Variants in CLEC6A observed in about 807,000 individuals in gnomAD.
CLEC6A encodes C-type lectin domain containing 6A.
Under a neutral mutation model 25.7 loss-of-function variants are expected in CLEC6A, and 22 were observed. That is an observed-to-expected ratio of 0.85 (90% CI 0.61 to 1.22). CLEC6A has a LOEUF of 1.22. CLEC6A is among the 50% of genes most tolerant of loss of function. The pLI is 0.00. For synonymous variants in CLEC6A, 92 were observed against 76.7 expected, an observed-to-expected ratio of 1.20 and a Z score of -1.04; for missense variants, 240 against 236.8, an observed-to-expected ratio of 1.01 and a Z score of -0.09.
chr12:8,457,865 G>GT (rs1939698249), intron 1 of CLEC6A, 33 bp from the exon 2 acceptor site: 2 of 1,550,398 alleles, frequency 1.3e-6, no homozygotes, highest in Non-Finnish European at 1.8e-6. Context: ...TGGCCCCCTG[G>GT]TAACTGCATT....
intron 5 of CLEC6A, 23 bp downstream of exon 5, chr12:8,476,263 G>C (rs777679746): frequency 7.4e-7 from 1 of 1,357,712 alleles, no homozygotes; most frequent in Non-Finnish European, 1.0e-6. Flanking sequence ...CTGGGGCCTT[G>C]TTTACATAGA....
At position 8,459,648 on chromosome 12, in the gene CLEC6A, A is replaced by G. The variant is rs747299245; in HGVS notation, c.173A>G (p.His58Arg). 1.9e-6 allele frequency: 3 copies of G among 1,613,770 alleles called. No individual in the cohort carries two copies. Among genetic ancestry groups the G allele is most frequent in the Admixed American group, 3.3e-5 (2 of 60,020 alleles). ...GETGKRLSEL[H>R]SYHSSLTCFS... ...ACTGGCAAAAGGCTGTCTGAACTAC[A>G]CTCATATCATTCAAGTCTCACCTGC... Residue 58 changes from histidine (H) to arginine (R), a missense_variant, in exon 3 of 6, where the codon CAC becomes CGC. By Grantham distance (29) the His-to-Arg change is conservative. Coordinates refer to ENST00000382073, the MANE Select transcript of CLEC6A (RefSeq NM_001007033.2).
chr12:8,456,152 T>C lies in CLEC6A; in HGVS notation c.31+10T>C, dbSNP rs942328068. The stretch of plus-strand genomic sequence containing the variant: ...CAACCTCAAAGTACAGGTGAGTATT[T>C]CCTCAGTTTCAGAGGAAAGTGGAAG... On this transcript the variant is annotated intron_variant, in intron 1 of 5. Coordinates refer to ENST00000382073, the MANE Select transcript of CLEC6A (RefSeq NM_001007033.2). The C allele has an allele frequency of 3.7e-6, 6 of 1,613,492 alleles. No individual in the cohort carries two copies. The highest frequency in any genetic ancestry group is 1.7e-4 in the Middle Eastern group (1 of 6,012).
intron 2 of CLEC6A, among the ~76,000 whole-genome samples, chr12:8,458,457 T>C (rs1272528670): frequency 1.3e-5 from 2 of 152,206 alleles, no homozygotes; most frequent in East Asian, 1.9e-4. Context: ...AAAATATTTC[T>C]TCCCTGTTCT....
At chr12:8,458,985 G>A (rs901585663) in intron 2 of CLEC6A, among the ~76,000 whole-genome samples, 6 of 152,178 alleles carry the variant, frequency 3.9e-5, no homozygotes, top group African/African-American at 7.2e-5. Context: ...AACGTTTAAA[G>A]TTTCCCCTTG....
intron 4 of CLEC6A, among the ~76,000 whole-genome samples, chr12:8,474,835 G>T (rs1365150273): frequency 6.6e-6 from 1 of 152,048 alleles, no homozygotes. Context: ...TTAAAACCTA[G>T]TGAGCTCTCT....
Position 8,476,182 on chromosome 12 carries a change from C to A in CLEC6A, c.427C>A (p.Pro143Thr), listed in dbSNP as rs373627140. ...SFSYFLGLSD[P>T]QGNNNWQWID... ...TTCTTATTTTCTGGGGCTTTCAGAC[C>A]CACAAGGTAATAATAATTGGCAATG... The change falls in exon 5 of 6, where the codon CCA becomes ACA. Residue 143 changes from proline to threonine, a missense_variant. Coordinates refer to ENST00000382073, the MANE Select transcript of CLEC6A (RefSeq NM_001007033.2). The A allele has an allele frequency of 9.3e-6, 15 of 1,609,994 alleles. No individual in the cohort carries two copies. In the African/African-American group the frequency reaches 1.2e-4, roughly 13 times the overall value.
chr12:8,458,003 A>G lies in CLEC6A; in HGVS notation c.121+16A>G. The G allele has an allele frequency of 6.4e-7, 1 of 1,571,838 alleles. No homozygotes were observed. Among genetic ancestry groups the G allele is most frequent in the Non-Finnish European group, 8.8e-7 (1 of 1,141,742 alleles). ...AGCTGTGTAGGTAAGTTCTTCACTG[A>G]GGTGCATTTTCCTTGCTTCCTTTCC... On this transcript the variant is annotated intron_variant, in intron 2 of 5. Coordinates refer to ENST00000382073, the MANE Select transcript of CLEC6A (RefSeq NM_001007033.2).
chr12:8,465,528 T>A lies in CLEC6A; in HGVS notation c.268T>A (p.Cys90Ser). ...PASWKSFGSS[C>S]YFISSEEKVW... ...TTCTTGGAAGTCATTTGGTTCCAGTTGCTACTTCATTTCCAGTGAAGAGAA... is the reference window on the plus strand; with the variant it reads ...TTCTTGGAAGTCATTTGGTTCCAGTAGCTACTTCATTTCCAGTGAAGAGAA... Residue 90 changes from cysteine (C) to serine (S), a missense_variant, in exon 4 of 6, where the codon TGC becomes AGC. Cys to Ser is a moderately radical substitution (Grantham distance 112). Coordinates refer to ENST00000382073, the MANE Select transcript of CLEC6A (RefSeq NM_001007033.2). The A allele has an allele frequency of 6.2e-7, 1 of 1,614,038 alleles. No homozygotes were observed.
intron 2 of CLEC6A, among the ~76,000 whole-genome samples, chr12:8,459,186 T>G (rs940372074): frequency 2.0e-5 from 3 of 152,120 alleles, no homozygotes; most frequent in African/African-American, 7.2e-5. Context: ...TAAAAAAAAT[T>G]ATCAGTTTTC....
chr12:8,456,098 AG>A lies in CLEC6A; in HGVS notation c.-11del, dbSNP rs35043660. On this transcript the variant is annotated 5_prime_UTR_variant, in exon 1 of 6. Transcript: ENST00000382073. ...AAAGGTTCCTGGACCTTCTCAACAC[AG>A]GGAGCCTGCATAATGATGCAAGAGC... 2.5e-6 allele frequency: 4 copies of A among 1,613,678 alleles called. No individual in the cohort carries two copies. The highest frequency in any genetic ancestry group is 3.4e-6 in the Non-Finnish European group (4 of 1,179,696).
At chr12:8,458,136 G>T in intron 2 of CLEC6A, 149 bp downstream of exon 2, 1 of 581,924 alleles carries the variant, frequency 1.7e-6, no homozygotes, top group East Asian at 3.0e-5. Flanking sequence ...TTTTCCCTTT[G>T]TTTTTCTCCC....
intron 3 of CLEC6A, chr12:8,460,974 C>T: frequency 1.9e-6 from 2 of 1,049,786 alleles, no homozygotes; most frequent in Non-Finnish European, 2.9e-6. Context: ...CAAATTCTTA[C>T]TGCGTTGGTG....
chr12:8,468,242 C>T (rs886226514), intron 4 of CLEC6A, among the ~76,000 whole-genome samples: 2 of 152,136 alleles, frequency 1.3e-5, no homozygotes, highest in African/African-American at 4.8e-5. Context: ...CACATGTGGC[C>T]TTGATGCTAC....
chr12:8,467,082 T>C (rs895682260), intron 4 of CLEC6A, among the ~76,000 whole-genome samples: 1 of 152,264 alleles, frequency 6.6e-6, no homozygotes, highest in East Asian at 1.9e-4. Flanking sequence ...TCCTTATATA[T>C]TCTTGATATT....
At chr12:8,472,582 T>A (rs1939920552) in intron 4 of CLEC6A, among the ~76,000 whole-genome samples, 1 of 152,206 alleles carries the variant, frequency 6.6e-6, no homozygotes, top group Non-Finnish European at 1.5e-5. Context: ...ATGCCAGTTT[T>A]CTTGGCTTTG....
At chr12:8,470,190 A>G (rs1939886874) in intron 4 of CLEC6A, among the ~76,000 whole-genome samples, 1 of 152,254 alleles carries the variant, frequency 6.6e-6, no homozygotes, top group East Asian at 1.9e-4. Flanking sequence ...AAAATGCTCA[A>G]CATCACTAAT....
intron 3 of CLEC6A, among the ~76,000 whole-genome samples, chr12:8,461,732 T>G (rs1939757405): frequency 6.6e-6 from 1 of 152,178 alleles, no homozygotes; most frequent in Non-Finnish European, 1.5e-5. Context: ...CGTTAAAAAA[T>G]AATTGAAATC....
intron 3 of CLEC6A, among the ~76,000 whole-genome samples, chr12:8,463,602 CTG>C (rs764722723): frequency 7.4e-4 from 112 of 152,220 alleles, no homozygotes; most frequent in Middle Eastern, 3.4e-3. Context: ...GGTTTGTAAA[CTG>C]AGAATTTGAT....
Sources: gnomAD v4.1 joint callset for allele counts (sites outside exome capture counted in the v4.1 genomes callset) on GRCh38, gnomAD v4.1.1 for gene constraint, MANE v1.5 for transcripts, NCBI Gene and HGNC (gene_info 2026-07-23, HGNC 2026-07-21) for gene names.